Variants in PIEZO2 observed in about 807,000 individuals in gnomAD.
The protein encoded by PIEZO2 is piezo-type mechanosensitive ion channel component 2.
Under a neutral mutation model 337.3 loss-of-function variants are expected in PIEZO2, and 172 were observed. The observed-to-expected ratio is 0.51, with a 90% confidence interval of 0.45 to 0.58. PIEZO2 has a LOEUF of 0.58. Among genes scored for constraint, PIEZO2 ranks in the 20% least tolerant of loss-of-function variants. PIEZO2 has a pLI of 0.00. For synonymous variants in PIEZO2, 1,251 were observed against 1,228.5 expected, an observed-to-expected ratio of 1.02 and a Z score of -0.38; for missense variants, 3,028 against 3,391.3, an observed-to-expected ratio of 0.89 and a Z score of 2.66.
At chr18:10,714,510 A>C (rs2035937071) in intron 39 of PIEZO2, among the ~76,000 whole-genome samples, 2 of 152,164 alleles carry the variant, frequency 1.3e-5, no homozygotes, top group Admixed American at 1.3e-4. Context: ...CAGCCTGGAA[A>C]TCTCTATACT....
At position 11,105,438 on chromosome 18, in the gene PIEZO2, A is replaced by G. The variant is rs918049169; in HGVS notation, c.65-39216T>C. ...TCAGAAACGCATTCCAGCACCTCAC[A>G]TCTTCATCCTCACGACACACTTCCA... is the stretch of plus-strand genomic sequence containing the variant. On this transcript the variant is annotated intron_variant, in intron 1 of 55. Transcript: ENST00000674853. The surrounding 1 kb of genome is among the most constrained non-coding windows in gnomAD (Gnocchi z 4.3). 3.9e-5 allele frequency among the ~76,000 whole-genome samples: 6 copies of G among 152,122 alleles called. No homozygotes were observed. Among genetic ancestry groups the G allele is most frequent in the African/African-American group, 1.2e-4 (5 of 41,422 alleles).
chr18:10,762,448 A>G, intron 23 of PIEZO2, 52 bp downstream of exon 23: 1 of 1,512,474 alleles, frequency 6.6e-7, no homozygotes, highest in Non-Finnish European at 8.8e-7. Flanking sequence ...AAGAATCCTG[A>G]ACTATTATAT....
chr18:10,800,940 T>A (rs187049119), intron 10 of PIEZO2, among the ~76,000 whole-genome samples: 1 of 152,336 alleles, frequency 6.6e-6, no homozygotes, highest in East Asian at 1.9e-4. Context: ...AATGCAAACA[T>A]CCCTTGGATC....
intron 3 of PIEZO2, among the ~76,000 whole-genome samples, chr18:10,976,768 T>G (rs2034454623): frequency 6.6e-6 from 1 of 152,144 alleles, no homozygotes; most frequent in Non-Finnish European, 1.5e-5. Flanking sequence ...CCCATATATT[T>G]AGGAGCGAGG....
chr18:10,773,081 A>G lies in PIEZO2; in HGVS notation c.2785+331T>C, dbSNP rs2038659781. On this transcript the variant is annotated intron_variant, in intron 20 of 55. Coordinates refer to ENST00000674853, the MANE Select transcript of PIEZO2 (RefSeq NM_001378183.1). The surrounding 1 kb of genome is among the most constrained non-coding windows in gnomAD (Gnocchi z 5.3). ...GTCTAGAGCCTTTGAGATTCTGCAC[A>G]GCCAGGTTGTACCTGCATCTGGTAG... Among the ~76,000 whole-genome samples the G allele has an allele frequency of 6.6e-6, 1 of 152,168 alleles. No homozygotes were observed. Among genetic ancestry groups the G allele is most frequent in the Non-Finnish European group, 1.5e-5 (1 of 68,030 alleles).
chr18:11,042,159 A>T (rs963992259), intron 2 of PIEZO2, among the ~76,000 whole-genome samples: 9 of 152,208 alleles, frequency 5.9e-5, no homozygotes, highest in African/African-American at 7.2e-5. Context: ...AGGTCACACA[A>T]GGAAAAGCCT....
rs984127707 is a variant in PIEZO2, at chr18:10,793,829, C to T, written c.1758+943G>A. Among the ~76,000 whole-genome samples the T allele has an allele frequency of 2.6e-5, 4 of 152,088 alleles. No individual in the cohort carries two copies. The East Asian group carries it at 7.7e-4, about 29-fold the overall frequency. ...ATGAACACAGGGGTTATATTCTCAC[C>T]TCTGTCACTAGAATTCACCTGTTGG... On this transcript the variant is annotated intron_variant, in intron 13 of 55. Transcript: ENST00000674853.
chr18:10,712,210 C>T (rs775374861), intron 39 of PIEZO2, among the ~76,000 whole-genome samples: 3 of 152,216 alleles, frequency 2.0e-5, no homozygotes, highest in Non-Finnish European at 2.9e-5. Flanking sequence ...CACATTCAGA[C>T]AAGTCTTGGC....
At position 11,146,460 on chromosome 18, in the gene PIEZO2, C is replaced by G. The variant is rs559953772; in HGVS notation, c.64+2065G>C. On this transcript the variant is annotated intron_variant, in intron 1 of 55. Coordinates refer to ENST00000674853, the MANE Select transcript of PIEZO2 (RefSeq NM_001378183.1). The surrounding 1 kb of genome is among the most constrained non-coding windows in gnomAD (Gnocchi z 6.1). ...AGTCCCCCCACCTCCACCCTGGCTG[C>G]GAGTCACCGCCCCGAGCCCCTGTGC... Among the ~76,000 whole-genome samples, 135 of 152,254 alleles carry G rather than the reference C, an allele frequency of 8.9e-4. No homozygotes were observed. Among genetic ancestry groups the G allele is most frequent in the African/African-American group, 3.1e-3 (128 of 41,550 alleles).
chr18:10,941,415 G>GGGTT (rs2032720651), intron 3 of PIEZO2, among the ~76,000 whole-genome samples: 1 of 152,140 alleles, frequency 6.6e-6, no homozygotes, highest in Non-Finnish European at 1.5e-5. Context: ...GGACCCTAAA[G>GGGTT]GGTTGCTTGT....
intron 3 of PIEZO2, among the ~76,000 whole-genome samples, chr18:10,937,037 G>A (rs992471000): frequency 4.6e-5 from 7 of 152,074 alleles, no homozygotes; most frequent in East Asian, 1.9e-4. Flanking sequence ...CCACAATGAC[G>A]ACTCCTACAA....
At chr18:11,034,437 C>T (rs910708978) in intron 2 of PIEZO2, among the ~76,000 whole-genome samples, 14 of 151,924 alleles carry the variant, frequency 9.2e-5, no homozygotes, top group African/African-American at 2.4e-4. Context: ...GGACTACAGG[C>T]GCCCGCCACC....
chr18:10,997,390 A>G (rs2035365559), intron 2 of PIEZO2, among the ~76,000 whole-genome samples: 1 of 152,236 alleles, frequency 6.6e-6, no homozygotes, highest in Non-Finnish European at 1.5e-5. Context: ...AGAACCAGGA[A>G]AATCTGATCA....
At chr18:10,721,982 G>T (rs113818895) in intron 36 of PIEZO2, among the ~76,000 whole-genome samples, 4,773 of 151,794 alleles carry the variant, frequency 0.031, 243 homozygotes, top group African/African-American at 0.11. Flanking sequence ...GGTGAAACCC[G>T]GTCTCTACGA....
At chr18:10,939,939 T>TA (rs1568219940) in intron 3 of PIEZO2, among the ~76,000 whole-genome samples, 24 of 147,090 alleles carry the variant, frequency 1.6e-4, no homozygotes, top group South Asian at 4.2e-4. Context: ...TAAAATAAAA[T>TA]TAAAAAAAAA....
Position 10,672,980 on chromosome 18 carries a change from T to C in PIEZO2, c.8162-107A>G. ...TCTGGTTACTAACTATAGCATAAGG[T>C]TCTAGGATGAAAAGGATGCATGGAC... On this transcript the variant is annotated intron_variant, in intron 54 of 55. Coordinates refer to ENST00000674853, the MANE Select transcript of PIEZO2 (RefSeq NM_001378183.1). This position sits in a 1 kb window ranked among gnomAD's most constrained non-coding sequence, Gnocchi z 4.7. 1.1e-6 allele frequency: 1 copy of C among 905,940 alleles called. No homozygotes were observed. Among genetic ancestry groups the C allele is most frequent in the Admixed American group, 2.7e-5 (1 of 37,378 alleles). 56.1% of individuals were successfully genotyped at this position (905,940 alleles called of 1,614,324 possible). A position where few individuals can be genotyped will look rare whatever the true frequency, so the allele number is the denominator to read the frequency against.
At chr18:10,871,998 AGTT>A (rs1378091103) in intron 4 of PIEZO2, among the ~76,000 whole-genome samples, 2 of 152,216 alleles carry the variant, frequency 1.3e-5, no homozygotes, top group Non-Finnish European at 2.9e-5. Context: ...GAAACTTAGT[AGTT>A]GCATCCTGCT....
At chr18:10,705,987 G>A (rs2035570388) in intron 40 of PIEZO2, among the ~76,000 whole-genome samples, 1 of 152,166 alleles carries the variant, frequency 6.6e-6, no homozygotes, top group African/African-American at 2.4e-5. Context: ...AGCCAGTCAC[G>A]TGGCTCTCAA....
chr18:10,830,009 C>A lies in PIEZO2; in HGVS notation c.918-22735G>T, dbSNP rs1205957206. Among the ~76,000 whole-genome samples the A allele has an allele frequency of 6.6e-6, 1 of 150,978 alleles. No individual in the cohort carries two copies. The highest frequency in any genetic ancestry group is 1.5e-5 in the Non-Finnish European group (1 of 67,862). On this transcript the variant is annotated intron_variant, in intron 7 of 55. Transcript: ENST00000674853. The surrounding 1 kb of genome is among the most constrained non-coding windows in gnomAD (Gnocchi z 4.7). ...CCACAGTCATCCTGAGCAAGAAGTA[C>A]AAAACTGGAGGAATCACATTACCTC... is the stretch of plus-strand genomic sequence containing the variant.
Sources: allele counts gnomAD v4.1 joint callset (sites outside exome capture counted in the v4.1 genomes callset), GRCh38; gene constraint gnomAD v4.1.1; non-coding constraint Gnocchi (gnomAD v3.1); transcripts MANE v1.5; gene names NCBI Gene and HGNC (gene_info 2026-07-23, HGNC 2026-07-21).